Variants in METTL21C observed in about 807,000 individuals in gnomAD.
The protein encoded by METTL21C is methyltransferase 21C, AARS1 lysine.
In METTL21C, 21 loss-of-function variants were observed where a neutral mutation model predicts 25.9. The observed-to-expected ratio is 0.81, with a 90% confidence interval of 0.58 to 1.17. The LOEUF is 1.17. METTL21C is among the 50% of genes most tolerant of loss of function. The pLI is 0.00. For missense variants in METTL21C, 312 were observed against 315.1 expected (o/e 0.99, Z 0.07); for synonymous variants, 125 against 124.7 (o/e 1.00, Z -0.01).
chr13:102,696,488 T>A (rs1885949513), upstream of METTL21C, among the ~76,000 whole-genome samples: 1 of 152,072 alleles, frequency 6.6e-6, no homozygotes, highest in Non-Finnish European at 1.5e-5. Context: ...ACATTCTGCA[T>A]GTGTACCCCA....
chr13:102,698,403 C>T (rs1885981552), upstream of METTL21C, among the ~76,000 whole-genome samples: 1 of 152,202 alleles, frequency 6.6e-6, no homozygotes, highest in Admixed American at 6.5e-5. Context: ...TGTTGTTTGT[C>T]TGTTGTCTTA....
chr13:102,686,541 G>T, intron 3 of METTL21C, 116 bp from the exon 4 acceptor site: 1 of 1,239,204 alleles, frequency 8.1e-7, no homozygotes, highest in Non-Finnish European at 1.1e-6. Context: ...ATTGGTGGGT[G>T]GGCTGGACAT....
chr13:102,692,311 G>T (rs1197721259), intron 1 of METTL21C, among the ~76,000 whole-genome samples: 1 of 152,108 alleles, frequency 6.6e-6, no homozygotes, highest in Non-Finnish European at 1.5e-5. Flanking sequence ...GCCTCCGGGT[G>T]TTTCAGGTCT....
At chr13:102,691,477 G>T (rs186827267) in intron 1 of METTL21C, among the ~76,000 whole-genome samples, 2 of 152,092 alleles carry the variant, frequency 1.3e-5, no homozygotes, top group African/African-American at 2.4e-5. Context: ...AGCCTCCTGA[G>T]TAACTGGGAT....
At position 102,694,404 on chromosome 13, in the gene METTL21C, G is replaced by A; in HGVS notation, c.95C>T (p.Ala32Val). 1 of 1,493,534 alleles carries A rather than the reference G, an allele frequency of 6.7e-7. No individual in the cohort carries two copies. Among genetic ancestry groups the A allele is most frequent in the Non-Finnish European group, 8.9e-7 (1 of 1,128,902 alleles). The allele number at this position is 1,493,534 out of a possible 1,614,324, so 92.5% of individuals were successfully genotyped here. ...GGWLEAEKKG[A>V]PQKDSTGGVL... ...TCCCCCGGTGCTGTCTTTCTGCGGA[G>A]CCCCCTTCTTCTCAGCCTCTAACCA... The change falls in exon 1 of 4, where the codon GCT (alanine) becomes GTT (valine). Residue 32 changes from alanine (A) to valine (V), a missense_variant. Transcript: ENST00000267273.
intron 2 of METTL21C, among the ~76,000 whole-genome samples, chr13:102,689,733 G>A (rs1224613376): frequency 6.6e-6 from 1 of 152,172 alleles, no homozygotes; most frequent in Non-Finnish European, 1.5e-5. Context: ...CCCCAGTCGG[G>A]AGCTTTACCA....
the METTL21C span, among the ~76,000 whole-genome samples, chr13:102,702,589 ATTTT>A: frequency 8.1e-4 from 118 of 146,428 alleles, no homozygotes; most frequent in African/African-American, 2.4e-3. Context: ...CAAAAACAGG[ATTTT>A]TTTTTTTTTT....
Position 102,690,731 on chromosome 13 carries a change from G to A in METTL21C, c.282+82C>T, listed in dbSNP as rs927337359. 6 of 1,505,790 alleles carry A rather than the reference G, an allele frequency of 4.0e-6. No homozygotes were observed. The Admixed American group carries it at 1.2e-4, about 30-fold the overall frequency. The allele number at this position is 1,505,790 out of a possible 1,614,324, so 93.3% of individuals were successfully genotyped here. A position where few individuals can be genotyped will look rare whatever the true frequency, so the allele number is the denominator to read the frequency against. On this transcript the variant is annotated intron_variant, in intron 2 of 3. Transcript: ENST00000267273. ...TGAGAAGCAGGATATGAAGGAACTT[G>A]ACAAATTGTCCAAGGCAACTCTGAA... is the stretch of plus-strand genomic sequence containing the variant.
At chr13:102,695,305 G>C (rs1426183707), upstream of METTL21C, among the ~76,000 whole-genome samples, 2 of 152,168 alleles carry the variant, frequency 1.3e-5, no homozygotes, top group South Asian at 2.1e-4. Context: ...GGGGGATTTA[G>C]AGCAGAGGGA....
rs1258613558 is a variant in METTL21C, at chr13:102,686,446, T to C, written c.401-21A>G. On this transcript the variant is annotated intron_variant, in intron 3 of 3. Coordinates refer to ENST00000267273, the MANE Select transcript of METTL21C (RefSeq NM_001010977.3). Reference sequence around the variant, plus strand: ...AGCTCCTAAGAGAAAAAGAAAACAATGACCTGGAAACATCTGGGCAGTCAC... The same window carrying C: ...AGCTCCTAAGAGAAAAAGAAAACAACGACCTGGAAACATCTGGGCAGTCAC... The C allele has an allele frequency of 3.1e-6, 5 of 1,591,850 alleles. No homozygotes were observed. In the African/African-American group the frequency reaches 5.4e-5, roughly 17 times the overall value.
intron 2 of METTL21C, among the ~76,000 whole-genome samples, chr13:102,687,309 A>G (rs1653999300): frequency 6.6e-6 from 1 of 152,238 alleles, no homozygotes; most frequent in African/African-American, 2.4e-5. Flanking sequence ...GAATAGGAAG[A>G]ACAGTAGATC....
upstream of METTL21C, among the ~76,000 whole-genome samples, chr13:102,697,983 A>G (rs112950180): frequency 0.043 from 6,589 of 152,232 alleles, 409 homozygotes; most frequent in African/African-American, 0.14. Context: ...ACACATGCAG[A>G]GCAGCAGCCA....
chr13:102,703,025 C>G, the METTL21C span, among the ~76,000 whole-genome samples: 1 of 152,188 alleles, frequency 6.6e-6, no homozygotes, highest in Non-Finnish European at 1.5e-5. Flanking sequence ...ATGAAACTGT[C>G]TTTTTCTCAA....
chr13:102,702,208 TAG>T, the METTL21C span, among the ~76,000 whole-genome samples: 91 of 134,076 alleles, frequency 6.8e-4, no homozygotes, highest in Admixed American at 1.1e-3. Context: ...TATATATATG[TAG>T]AGAGAGAGAG....
chr13:102,689,969 G>C (rs1053555859), intron 2 of METTL21C, among the ~76,000 whole-genome samples: 1 of 152,190 alleles, frequency 6.6e-6, no homozygotes, highest in African/African-American at 2.4e-5. Flanking sequence ...GTGAACATTT[G>C]TGACTACCCA....
At chr13:102,688,405 G>T (rs1269419111) in intron 2 of METTL21C, among the ~76,000 whole-genome samples, 1 of 152,214 alleles carries the variant, frequency 6.6e-6, no homozygotes, top group African/African-American at 2.4e-5. Context: ...CTGAATTCTG[G>T]GGAGGTAAGT....
chr13:102,702,750 C>T, the METTL21C span, among the ~76,000 whole-genome samples: 1 of 152,034 alleles, frequency 6.6e-6, no homozygotes, highest in Non-Finnish European at 1.5e-5. Flanking sequence ...GCCAACATGC[C>T]AGGCTAATTT....
chr13:102,686,818 G>C (rs1282164730), intron 3 of METTL21C, 122 bp downstream of exon 3: 2 of 719,478 alleles, frequency 2.8e-6, no homozygotes, highest in Non-Finnish European at 4.9e-6. Context: ...ATGACATTTT[G>C]GGGAGAGTCA....
chr13:102,697,603 A>G (rs79593536), upstream of METTL21C, among the ~76,000 whole-genome samples: 2,553 of 152,220 alleles, frequency 0.017, 61 homozygotes, highest in African/African-American at 0.058. Context: ...GTTCTCGTCT[A>G]TACGGTGGAG....
Sources: allele counts gnomAD v4.1 joint callset (sites outside exome capture counted in the v4.1 genomes callset), GRCh38; gene constraint gnomAD v4.1.1; transcripts MANE v1.5; gene names NCBI Gene and HGNC (gene_info 2026-07-23, HGNC 2026-07-21).